Variants in CAPN2 observed in about 807,000 individuals in gnomAD.
CAPN2 encodes calpain 2.
CAPN2 carries 92 observed loss-of-function variants against 102.3 expected under a neutral mutation model. That is an observed-to-expected ratio of 0.90 (90% confidence interval 0.76 to 1.07). The LOEUF (loss-of-function observed/expected upper bound fraction) is 1.07. Ranked by LOEUF, CAPN2 falls within the 50% of genes least tolerant of loss-of-function variation. The probability of loss-of-function intolerance (pLI) is 0.00; values close to 1 mark genes in which losing one functional copy is unlikely to be tolerated. For missense variants in CAPN2, 800 were observed against 909.4 expected, an observed-to-expected ratio of 0.88 and a Z score of 1.55; for synonymous variants, 340 against 355.4, an observed-to-expected ratio of 0.96 and a Z score of 0.49.
At chr1:223,712,276 G>C, upstream of CAPN2, 1 of 178,558 alleles carries the variant, frequency 5.6e-6, no homozygotes, top group Non-Finnish European at 1.1e-5. Flanking sequence ...CCTATGGGCT[G>C]CAAAGGTGGC....
chr1:223,749,110 C>T lies in CAPN2; in HGVS notation c.801C>T (p.Thr267=). 1.2e-6 allele frequency: 2 copies of T among 1,614,010 alleles called. No individual in the cohort carries two copies. The highest frequency in any genetic ancestry group is 8.5e-7 in the Non-Finnish European group (1 of 1,179,886). ...TGAAGGGGCACGCGTACTCGGTCAC[C>T]GGAGCCGAGGAGGTAACGGCCGGCG... is the stretch of plus-strand genomic sequence containing the variant. The part of the protein sequence containing the change: ...KLVKGHAYSV[T]GAEEVESNGS... The change falls in exon 6 of 21, where the codon ACC becomes ACT. Residue 267 remains threonine (T), a synonymous_variant. Transcript: ENST00000295006.
intron 2 of CAPN2, among the ~76,000 whole-genome samples, chr1:223,728,726 G>T (rs962526309): frequency 6.6e-6 from 1 of 152,174 alleles, no homozygotes; most frequent in Non-Finnish European, 1.5e-5. Context: ...TGCGGGGTGG[G>T]GAGGATGTGT....
At chr1:223,737,814 GA>G (rs1437897359) in intron 2 of CAPN2, among the ~76,000 whole-genome samples, 2 of 150,974 alleles carry the variant, frequency 1.3e-5, no homozygotes, top group African/African-American at 2.4e-5. Context: ...AAAACCGGGA[GA>G]GGGGAAAAAA....
At position 223,761,587 on chromosome 1, in the gene CAPN2, C is replaced by G; in HGVS notation, c.1536C>G (p.Val512=). 1 of 1,612,418 alleles carries G rather than the reference C, an allele frequency of 6.2e-7. No homozygotes were observed. Among genetic ancestry groups the G allele is most frequent in the Non-Finnish European group, 8.5e-7 (1 of 1,178,796 alleles). Residue 512 remains valine (V), a synonymous_variant, in exon 13 of 21, where the codon GTC becomes GTG. Transcript: ENST00000295006. ...FSEKKADYQA[V]DDEIEANLEE... ...AATTTCCTTCTATTTCCAGAGCTGT[C>G]GATGATGAAATCGAGGCCAATCTTG...
intron 5 of CAPN2, 51 bp from the exon 6 acceptor site, chr1:223,748,988 G>A: frequency 6.6e-7 from 1 of 1,523,764 alleles, no homozygotes. Context: ...GAGGGAGTCC[G>A]GGAGGAAGGG....
chr1:223,753,138 C>T (rs566937621), intron 9 of CAPN2, among the ~76,000 whole-genome samples, 182 bp downstream of exon 9: 2 of 146,954 alleles, frequency 1.4e-5, no homozygotes, highest in South Asian at 2.1e-4. Flanking sequence ...CTTTTCTCCC[C>T]GAGCTCTCTT....
rs1660971684 is a variant in CAPN2 at position 223,754,118 on chromosome 1, A to G, written c.1135+1162A>G. 6.6e-6 allele frequency among the ~76,000 whole-genome samples: 1 copy of G among 152,216 alleles called. No individual in the cohort carries two copies. The highest frequency in any genetic ancestry group is 1.5e-5 in the Non-Finnish European group (1 of 68,038). On this transcript the variant is annotated intron_variant, in intron 9 of 20. Transcript: ENST00000295006. The surrounding 1 kb of genome is among the most constrained non-coding windows in gnomAD (Gnocchi z 4.7). Reference sequence around the variant, plus strand: ...CTGGGATTTGAACCCAGGCCCCCTGACTGAGGAGTCACTGTGTAAGTACAG... The same window carrying G: ...CTGGGATTTGAACCCAGGCCCCCTGGCTGAGGAGTCACTGTGTAAGTACAG...
intron 2 of CAPN2, among the ~76,000 whole-genome samples, chr1:223,721,025 C>T (rs1431762626): frequency 3.9e-5 from 6 of 152,174 alleles, no homozygotes; most frequent in South Asian, 4.1e-4. Flanking sequence ...CACTTTGCAA[C>T]GCCCTGCCCT....
chr1:223,762,713 C>G (rs927602420), intron 14 of CAPN2, among the ~76,000 whole-genome samples: 1 of 152,136 alleles, frequency 6.6e-6, no homozygotes, highest in African/African-American at 2.4e-5. Context: ...CAGGGTCTCT[C>G]TCTGTCACCC....
At chr1:223,722,992 C>A (rs577855575) in intron 2 of CAPN2, among the ~76,000 whole-genome samples, 3 of 152,148 alleles carry the variant, frequency 2.0e-5, no homozygotes, top group Non-Finnish European at 4.4e-5. Flanking sequence ...GAATATTGAT[C>A]AGAGATTTTG....
At chr1:223,772,158 A>C (rs766150356) in intron 19 of CAPN2, 23 bp from the exon 20 acceptor site, 1 of 1,611,668 alleles carries the variant, frequency 6.2e-7, no homozygotes, top group Admixed American at 1.7e-5. Flanking sequence ...CACTTGTGAC[A>C]CCCTCTTTTT....
chr1:223,773,015 G>T (rs1157279081), intron 20 of CAPN2: 1 of 152,230 alleles, frequency 6.6e-6, no homozygotes, highest in Non-Finnish European at 1.5e-5. Flanking sequence ...TCCTGTCCGT[G>T]TAACAGAGGA....
chr1:223,719,909 C>T (rs1660005771), intron 2 of CAPN2, among the ~76,000 whole-genome samples: 1 of 152,150 alleles, frequency 6.6e-6, no homozygotes, highest in Non-Finnish European at 1.5e-5. Context: ...AGTTAGATCA[C>T]AATCTGTGAA....
intron 2 of CAPN2, among the ~76,000 whole-genome samples, chr1:223,741,837 C>T (rs962811617): frequency 6.6e-6 from 1 of 152,036 alleles, no homozygotes; most frequent in Non-Finnish European, 1.5e-5. Flanking sequence ...AGTGCAGTGG[C>T]GTGATCTTGG....
intron 20 of CAPN2, among the ~76,000 whole-genome samples, chr1:223,774,140 A>G (rs1374470986): frequency 6.6e-6 from 1 of 152,006 alleles, no homozygotes; most frequent in Non-Finnish European, 1.5e-5. Context: ...TGGATATCCT[A>G]TTCTACCCCA....
At position 223,762,270 on chromosome 1, in the gene CAPN2, G is replaced by A. The variant is rs753591004; in HGVS notation, c.1632+19G>A. On this transcript the variant is annotated intron_variant, in intron 14 of 20. Transcript: ENST00000295006. ...AGGAGAGGTAAATGTTCCCAAAAACGATGTTATGCACTCTGGTTGATGCAA... is the reference window on the plus strand; with the variant it reads ...AGGAGAGGTAAATGTTCCCAAAAACAATGTTATGCACTCTGGTTGATGCAA... 7 of 1,589,728 alleles carry A rather than the reference G, an allele frequency of 4.4e-6. No individual in the cohort carries two copies. In the East Asian group the frequency reaches 8.9e-5, roughly 20 times the overall value.
At chr1:223,706,864 G>A (rs1238500653) in intron 1 of CAPN2, among the ~76,000 whole-genome samples, 4 of 152,208 alleles carry the variant, frequency 2.6e-5, no homozygotes, top group Non-Finnish European at 2.9e-5. Flanking sequence ...TGGATCACCT[G>A]AGGTCAGGAG....
chr1:223,747,820 A>G (rs1311062896), intron 5 of CAPN2, among the ~76,000 whole-genome samples: 1 of 152,190 alleles, frequency 6.6e-6, no homozygotes, highest in Non-Finnish European at 1.5e-5. Context: ...AGGCTTCTTC[A>G]GTTTAGCATT....
Position 223,742,518 on chromosome 1 carries a change from ATTTTT to A in CAPN2, c.308-1569_308-1565del, listed in dbSNP as rs199697766. 4.3e-3 allele frequency among the ~76,000 whole-genome samples: 495 copies of A among 114,378 alleles called. 3 individuals carry two copies. Among genetic ancestry groups the A allele is most frequent in the African/African-American group, 0.016 (477 of 29,638 alleles). The allele number at this position is 114,378 out of a possible 152,430, so 75.0% of individuals were successfully genotyped here. On this transcript the variant is annotated intron_variant, in intron 2 of 20. Transcript: ENST00000295006. ...TGTGTGTATATATATATATATATAT[ATTTTT>A]TTTTTTTTTTTTGAGACAGGGTCTT...
Sources: allele counts gnomAD v4.1 joint callset (sites outside exome capture counted in the v4.1 genomes callset), GRCh38; gene constraint gnomAD v4.1.1; non-coding constraint Gnocchi (gnomAD v3.1); transcripts MANE v1.5; gene names NCBI Gene and HGNC (gene_info 2026-07-23, HGNC 2026-07-21).